NEK8: variants seen among roughly 807,000 people sequenced by gnomAD.
The protein encoded by NEK8 is serine/threonine-protein kinase Nek8.
In NEK8, 51 loss-of-function variants were observed where a neutral mutation model predicts 77.2. The ratio of observed to expected loss-of-function variants is 0.66; its 90% CI spans 0.53 to 0.83. The LOEUF (loss-of-function observed/expected upper bound fraction) is 0.83, where lower values mean the gene tolerates loss of function less well. Ranked by LOEUF, NEK8 falls within the 40% of genes least tolerant of loss-of-function variation. The pLI is 0.00. For synonymous variants in NEK8, 365 were observed against 363.2 expected, an observed-to-expected ratio of 1.00 and a Z score of -0.06; for missense variants, 787 against 909.2, an observed-to-expected ratio of 0.87 and a Z score of 1.73.
In NEK8 at chr17:28,737,277, C is replaced by A. The variant is rs1226196864; in HGVS notation, c.619-29C>A. The A allele has an allele frequency of 1.3e-6, 2 of 1,587,252 alleles. No individual in the cohort carries two copies. Among genetic ancestry groups the A allele is most frequent in the Non-Finnish European group, 1.7e-6 (2 of 1,167,278 alleles). On this transcript the variant is annotated intron_variant, in intron 4 of 14. Transcript: ENST00000268766. This position sits in a 1 kb window ranked among gnomAD's most constrained non-coding sequence, Gnocchi z 4.8. ...AGCTGGGGGGTGCTGCCCTCACTTC[C>A]CCAAATTCTCAACCTGGTGCCTTCA...
Position 28,742,118 on chromosome 17 carries a change from A to G in NEK8, c.*131A>G. The G allele has an allele frequency of 1.1e-6, 1 of 930,110 alleles. No individual in the cohort carries two copies. The highest frequency in any genetic ancestry group is 1.8e-6 in the Non-Finnish European group (1 of 558,686). 57.6% of individuals were successfully genotyped at this position (930,110 alleles called of 1,614,324 possible). Reference sequence around the variant, plus strand: ...TCATCATGGGGTATCAGGGCTGGCAAAACCCCTGCTCTGCTTTTGGCCTTG... The same window carrying G: ...TCATCATGGGGTATCAGGGCTGGCAGAACCCCTGCTCTGCTTTTGGCCTTG... On this transcript the variant is annotated 3_prime_UTR_variant, in exon 15 of 15. Transcript: ENST00000268766.
chr17:28,741,055 C>G lies in NEK8; in HGVS notation c.1733-23C>G, dbSNP rs545979728. The G allele has an allele frequency of 8.1e-6, 13 of 1,614,184 alleles. No homozygotes were observed. In the South Asian group the frequency reaches 1.3e-4, roughly 16 times the overall value. On this transcript the variant is annotated intron_variant, in intron 12 of 14. Transcript: ENST00000268766. This position sits in a 1 kb window ranked among gnomAD's most constrained non-coding sequence, Gnocchi z 4.5. ...CTCCTTGGTACCCTGTTGAAGCACC[C>G]CTTTCCTTCCTCTCCCCCATAGCCT...
At position 28,737,841 on chromosome 17, in the gene NEK8, G is replaced by A. The variant is rs952867330; in HGVS notation, c.912G>A (p.Arg304=). ...CAGGTATCCCCCGGGGACCTGTGAG[G>A]CCAGCCATCCCACCACCACTGTCGT... The part of the protein sequence containing the change: ...RCRGIPRGPV[R]PAIPPPLSSV... Residue 304 remains arginine, a synonymous_variant, in exon 7 of 15, where the codon AGG becomes AGA. Transcript: ENST00000268766. This position sits in a 1 kb window ranked among gnomAD's most constrained non-coding sequence, Gnocchi z 4.8. 5 of 1,613,918 alleles carry A rather than the reference G, an allele frequency of 3.1e-6. No homozygotes were observed. The African/African-American group carries it at 6.7e-5, about 22-fold the overall frequency.
chr17:28,741,505 G>A lies in NEK8; in HGVS notation c.1984G>A (p.Glu662Lys). The change falls in exon 14 of 15, where the codon GAG (glutamate) becomes AAG (lysine). Residue 662 changes from glutamate (E) to lysine (K), a missense_variant. Around this residue, in one of 2 missense-constraint regions of NEK8, gnomAD observed 516 missense variants for 544.0 expected, o/e 0.95. Transcript: ENST00000268766. The surrounding 1 kb of genome is among the most constrained non-coding windows in gnomAD (Gnocchi z 4.5). ...AGLPRPVQLDETHPYTVTSVS... is the reference protein window; with the variant it reads ...AGLPRPVQLDKTHPYTVTSVS... ...ACTCCCTCGGCCAGTGCAGTTGGAT[G>A]AGACACACCCTTACACGGTGACTTC... The A allele has an allele frequency of 6.2e-7, 1 of 1,614,182 alleles. No homozygotes were observed. The highest frequency in any genetic ancestry group is 8.5e-7 in the Non-Finnish European group (1 of 1,180,032).
intron 2 of NEK8, 84 bp from the exon 3 acceptor site, chr17:28,734,686 CAA>C (rs59495219): frequency 1.6e-4 from 126 of 791,768 alleles, no homozygotes; most frequent in Admixed American, 2.8e-4. Context: ...GACTCCATCT[CAA>C]AAAAAAAAAA....
At position 28,741,263 on chromosome 17, in the gene NEK8, A is replaced by C. The variant is rs1219444571; in HGVS notation, c.1891+27A>C. 1 of 1,585,216 alleles carries C rather than the reference A, an allele frequency of 6.3e-7. No individual in the cohort carries two copies. The highest frequency in any genetic ancestry group is 2.3e-5 in the East Asian group (1 of 44,146). ...TGAGGACTGAGCATGGTGGGGGCAG[A>C]CAGTGCCATGAGCAGTGGGGGGTGG... is the stretch of plus-strand genomic sequence containing the variant. On this transcript the variant is annotated intron_variant, in intron 13 of 14. Transcript: ENST00000268766. This position sits in a 1 kb window ranked among gnomAD's most constrained non-coding sequence, Gnocchi z 4.5.
Position 28,737,938 on chromosome 17 carries a change from G to A in NEK8, c.1009G>A (p.Val337Met). The A allele has an allele frequency of 6.2e-7, 1 of 1,613,192 alleles. No individual in the cohort carries two copies. The highest frequency in any genetic ancestry group is 8.5e-7 in the Non-Finnish European group (1 of 1,179,462). ...AATGCTCAACACAGAGGTGGTCCAG[G>A]TGGCAGCTGGGCGCACGCAGAAAGC... ...LPMLNTEVVQ[V>M]AAGRTQKAGV... is the part of the protein sequence containing the mutation. Residue 337 changes from valine (V) to methionine (M), a missense_variant, in exon 7 of 15, where the codon GTG (valine) becomes ATG (methionine). Val to Met is a conservative substitution (Grantham distance 21, BLOSUM62 1). This residue lies in a region of NEK8 where 516 missense variants were observed against 544.0 expected (regional missense o/e 0.95). Coordinates refer to ENST00000268766, the MANE Select transcript of NEK8 (RefSeq NM_178170.3). This position sits in a 1 kb window ranked among gnomAD's most constrained non-coding sequence, Gnocchi z 4.8.
rs17720826 is a variant in NEK8, at chr17:28,734,253, G to A, written c.253+65G>A. On this transcript the variant is annotated intron_variant, in intron 2 of 14. Coordinates refer to ENST00000268766, the MANE Select transcript of NEK8 (RefSeq NM_178170.3). ...CTTACCTCTGGGACAGGCAGACACA[G>A]ATCTCCTGGCTTCCCTCCTTGGAAT... is the stretch of plus-strand genomic sequence containing the variant. 79,053 of 1,413,054 alleles carry A rather than the reference G, an allele frequency of 0.056. 2,854 individuals carry two copies. The highest frequency in any genetic ancestry group is 0.069 in the Non-Finnish European group (69,238 of 997,232). The allele number at this position is 1,413,054 out of a possible 1,614,324, so 87.5% of individuals were successfully genotyped here. A position where few individuals can be genotyped will look rare whatever the true frequency, so the allele number is the denominator to read the frequency against.
chr17:28,734,165 T>C lies in NEK8; in HGVS notation c.230T>C (p.Met77Thr). ...YENFLEDKALMIAMEYAPGGT... is the reference protein window; with the variant it reads ...YENFLEDKALTIAMEYAPGGT... ...AACTTCCTGGAAGACAAAGCCCTTATGATCGCCATGGAATATGCACCAGGT... is the reference window on the plus strand; with the variant it reads ...AACTTCCTGGAAGACAAAGCCCTTACGATCGCCATGGAATATGCACCAGGT... Residue 77 changes from methionine (M) to threonine (T), a missense_variant, in exon 2 of 15, where the codon ATG (methionine) becomes ACG (threonine). Around this residue, in one of 2 missense-constraint regions of NEK8, gnomAD observed 271 missense variants for 365.1 expected, o/e 0.74. Transcript: ENST00000268766. 1 of 1,614,226 alleles carries C rather than the reference T, an allele frequency of 6.2e-7. No homozygotes were observed. The highest frequency in any genetic ancestry group is 1.1e-5 in the South Asian group (1 of 91,088).
At chr17:28,734,307 C>T (rs2034339759) in intron 2 of NEK8, 119 bp downstream of exon 2, 1 of 904,080 alleles carries the variant, frequency 1.1e-6, no homozygotes, top group African/African-American at 1.6e-5. Context: ...GAGTTCTGGT[C>T]CCAATTATCT....
At chr17:28,735,166 C>T (rs2151731987) in intron 3 of NEK8, 74 bp from the exon 4 acceptor site, 1 of 1,597,672 alleles carries the variant, frequency 6.3e-7, no homozygotes, top group South Asian at 1.1e-5. Flanking sequence ...AGAAGCTGTC[C>T]CCAAATGGGC....
Position 28,741,493 on chromosome 17 carries a change from G to A in NEK8, c.1972G>A (p.Val658Met), listed in dbSNP as rs770411200. 1 of 1,614,144 alleles carries A rather than the reference G, an allele frequency of 6.2e-7. No homozygotes were observed. The change falls in exon 14 of 15, where the codon GTG becomes ATG. Residue 658 changes from valine (V) to methionine (M), a missense_variant. Physicochemically the swap from Val to Met is conservative, Grantham distance 21 (BLOSUM62 1). Transcript: ENST00000268766. This position sits in a 1 kb window ranked among gnomAD's most constrained non-coding sequence, Gnocchi z 4.5. ...TGAGGATGCCGGACTCCCTCGGCCA[G>A]TGCAGTTGGATGAGACACACCCTTA... Reference protein sequence around the residue: ...RDEDAGLPRPVQLDETHPYTV... With the variant: ...RDEDAGLPRPMQLDETHPYTV...
Position 28,734,825 on chromosome 17 carries a change from G to A in NEK8, c.307G>A (p.Glu103Lys), listed in dbSNP as rs1322139064. 5.0e-6 allele frequency: 8 copies of A among 1,613,752 alleles called. No individual in the cohort carries two copies. Among genetic ancestry groups the A allele is most frequent in the Non-Finnish European group, 6.8e-6 (8 of 1,180,028 alleles). Residue 103 changes from glutamate to lysine, a missense_variant, in exon 3 of 15, where the codon GAG becomes AAG. By Grantham distance (56) the Glu-to-Lys change is moderately conservative. Around this residue, in one of 2 missense-constraint regions of NEK8, gnomAD observed 271 missense variants for 365.1 expected, o/e 0.74. Transcript: ENST00000268766. ...GCGCTGTAATTCCCTGCTGGAGGAG[G>A]AGACCATCCTGCACTTCTTCGTGCA... ...QKRCNSLLEE[E>K]TILHFFVQIL...
In NEK8 at chr17:28,741,565, G is replaced by A. The variant is rs1369953612; in HGVS notation, c.2044G>A (p.Val682Ile). The change falls in exon 14 of 15, where the codon GTT becomes ATT. Residue 682 changes from valine (V) to isoleucine (I), a missense_variant. Physicochemically the swap from Val to Ile is conservative, Grantham distance 29 (BLOSUM62 3). This residue lies in a region of NEK8 where 516 missense variants were observed against 544.0 expected (regional missense o/e 0.95). Coordinates refer to ENST00000268766, the MANE Select transcript of NEK8 (RefSeq NM_178170.3). The surrounding 1 kb of genome is among the most constrained non-coding windows in gnomAD (Gnocchi z 4.5). ...SCCHGNTLLA[V>I]RSVTDEPVPP The stretch of plus-strand genomic sequence containing the variant: ...TTGCCATGGAAACACCCTCCTGGCT[G>A]TTCGATGTGAGTTGTAACTTTTCCC... The A allele has an allele frequency of 3.1e-6, 5 of 1,613,962 alleles. No individual in the cohort carries two copies. The highest frequency in any genetic ancestry group is 3.3e-5 in the Admixed American group (2 of 59,994).
At chr17:28,734,725 C>T (rs201567410) in intron 2 of NEK8, 47 bp from the exon 3 acceptor site, 108 of 1,303,246 alleles carry the variant, frequency 8.3e-5, no homozygotes, top group African/African-American at 1.7e-4. Context: ...GAGGGGTTGT[C>T]GTAGGTGTGA....
rs1422152256 is a variant in NEK8, at chr17:28,737,416, T to C, written c.729T>C (p.Pro243=). The stretch of plus-strand genomic sequence containing the variant: ...TCCTGAGTCTACTCAGCCTGGAGCC[T>C]GCCCAGCGGCCACCACTCAGCCACA... ...QLVLSLLSLE[P]AQRPPLSHIM... The change falls in exon 5 of 15, where the codon CCT becomes CCC. Residue 243 remains proline, a synonymous_variant. Coordinates refer to ENST00000268766, the MANE Select transcript of NEK8 (RefSeq NM_178170.3). This position sits in a 1 kb window ranked among gnomAD's most constrained non-coding sequence, Gnocchi z 4.8. 14 of 1,613,468 alleles carry C rather than the reference T, an allele frequency of 8.7e-6. No individual in the cohort carries two copies. The highest frequency in any genetic ancestry group is 1.7e-5 in the Admixed American group (1 of 60,030).
In NEK8 at chr17:28,740,365, G is replaced by C. The variant is rs1355318941; in HGVS notation, c.1418-98G>C. 9.9e-7 allele frequency: 1 copy of C among 1,006,464 alleles called. No individual in the cohort carries two copies. The highest frequency in any genetic ancestry group is 1.6e-6 in the Non-Finnish European group (1 of 627,664). 62.3% of individuals were successfully genotyped at this position (1,006,464 alleles called of 1,614,324 possible). On this transcript the variant is annotated intron_variant, in intron 10 of 14. Coordinates refer to ENST00000268766, the MANE Select transcript of NEK8 (RefSeq NM_178170.3). This position sits in a 1 kb window ranked among gnomAD's most constrained non-coding sequence, Gnocchi z 4.7. ...AAAGGCATTTGGGACTGAGAGAACA[G>C]AGAACTCATGCTGTTCCCTCCCCTC...
rs1276146455 is a variant in NEK8 at position 28,741,360 on chromosome 17, C to G, written c.1892-53C>G. On this transcript the variant is annotated intron_variant, in intron 13 of 14. Transcript: ENST00000268766. This position sits in a 1 kb window ranked among gnomAD's most constrained non-coding sequence, Gnocchi z 4.5. ...TCCTGGCAATGTGGGAGGGGAGATC[C>G]TGCTCGGGCTGTGCCCACTTCCCAC... 1.9e-6 allele frequency: 3 copies of G among 1,603,804 alleles called. No homozygotes were observed. Among genetic ancestry groups the G allele is most frequent in the Admixed American group, 3.5e-5 (2 of 57,744 alleles).
In NEK8 at chr17:28,741,868, A is replaced by T; in HGVS notation, c.2051-91A>T. 3 of 1,392,342 alleles carry T rather than the reference A, an allele frequency of 2.2e-6. No individual in the cohort carries two copies. Among genetic ancestry groups the T allele is most frequent in the African/African-American group, 1.4e-5 (1 of 70,596 alleles). 86.2% of individuals were successfully genotyped at this position (1,392,342 alleles called of 1,614,324 possible). A position where few individuals can be genotyped will look rare whatever the true frequency, so the allele number is the denominator to read the frequency against. ...TCTTTCTGGCCTAACAGGGTCCAGA[A>T]TCCAGGGCCCAGTGGGAGTGGGAGG... On this transcript the variant is annotated intron_variant, in intron 14 of 14. Transcript: ENST00000268766. This position sits in a 1 kb window ranked among gnomAD's most constrained non-coding sequence, Gnocchi z 4.5.
Sources: allele counts gnomAD v4.1 joint callset, GRCh38; gene constraint gnomAD v4.1.1; regional missense constraint gnomAD v4.1.1; non-coding constraint Gnocchi (gnomAD v3.1); transcripts MANE v1.5; gene names NCBI Gene and HGNC (gene_info 2026-07-23, HGNC 2026-07-21).